GABBR2: variants seen among roughly 807,000 people sequenced by gnomAD.
GABBR2 encodes the protein G-protein coupled receptor 51.
In GABBR2, 23 loss-of-function variants were observed where a neutral mutation model predicts 105.6. The ratio of observed to expected loss-of-function variants is 0.22; its 90% CI spans 0.16 to 0.31. The LOEUF is 0.31. GABBR2 is among the 10% of genes least tolerant of loss of function. The probability of loss-of-function intolerance (pLI) is 1.00; values close to 1 mark genes in which losing one functional copy is unlikely to be tolerated. For missense variants in GABBR2, 734 were observed against 1,245.5 expected, an observed-to-expected ratio of 0.59 and a Z score of 6.18; for synonymous variants, 478 against 499.7, an observed-to-expected ratio of 0.96 and a Z score of 0.58.
At chr9:98,337,494 T>A (rs1378261386) in intron 13 of GABBR2, among the ~76,000 whole-genome samples, 1 of 152,016 alleles carries the variant, frequency 6.6e-6, no homozygotes, top group East Asian at 1.9e-4. Context: ...ATCGTATAAA[T>A]CATATGGAAT....
intron 13 of GABBR2, among the ~76,000 whole-genome samples, chr9:98,345,710 A>T (rs1831292140): frequency 6.6e-6 from 1 of 152,248 alleles, no homozygotes; most frequent in Non-Finnish European, 1.5e-5. Context: ...AGTCCCAAAG[A>T]ATCAACACAA....
chr9:98,503,883 A>G (rs1004065122), intron 3 of GABBR2, among the ~76,000 whole-genome samples: 7 of 152,142 alleles, frequency 4.6e-5, no homozygotes, highest in Non-Finnish European at 8.8e-5. Context: ...TCCTAAACCA[A>G]TCAGAACCTC....
chr9:98,690,534 G>T (rs1830670671), intron 1 of GABBR2, among the ~76,000 whole-genome samples: 1 of 152,098 alleles, frequency 6.6e-6, no homozygotes, highest in African/African-American at 2.4e-5. Flanking sequence ...GCCCTTCTCT[G>T]CCCAAAGAAG....
intron 2 of GABBR2, among the ~76,000 whole-genome samples, chr9:98,562,471 T>C (rs1361027738): frequency 6.6e-6 from 1 of 152,186 alleles, no homozygotes; most frequent in Non-Finnish European, 1.5e-5. Flanking sequence ...ATATTAGGGT[T>C]ATGTAAGAGG....
intron 8 of GABBR2, among the ~76,000 whole-genome samples, chr9:98,396,622 C>T (rs1291033786): frequency 1.3e-5 from 2 of 152,204 alleles, no homozygotes; most frequent in African/African-American, 2.4e-5. Flanking sequence ...CTCCAGCATC[C>T]CTGCTTTGGC....
intron 5 of GABBR2, among the ~76,000 whole-genome samples, chr9:98,479,124 C>T (rs1421703356): frequency 6.6e-6 from 1 of 152,076 alleles, no homozygotes; most frequent in Non-Finnish European, 1.5e-5. Flanking sequence ...GGTCCTCCTT[C>T]GATTTCAATG....
intron 7 of GABBR2, among the ~76,000 whole-genome samples, chr9:98,440,382 C>T (rs1276332228): frequency 6.6e-6 from 1 of 152,168 alleles, no homozygotes; most frequent in African/African-American, 2.4e-5. Flanking sequence ...TCAAGTTTAC[C>T]TGGCTAGCAA....
At chr9:98,448,573 T>C (rs1292836408) in intron 7 of GABBR2, among the ~76,000 whole-genome samples, 2 of 152,068 alleles carry the variant, frequency 1.3e-5, no homozygotes, top group African/African-American at 4.8e-5. Flanking sequence ...CCTGCCACCA[T>C]GCCCGGCTAA....
chr9:98,366,165 C>T (rs1385156548), intron 12 of GABBR2, among the ~76,000 whole-genome samples: 1 of 152,192 alleles, frequency 6.6e-6, no homozygotes, highest in Non-Finnish European at 1.5e-5. Context: ...AATATTTGCA[C>T]ATCCCACACT....
chr9:98,374,099 T>C (rs145856239), intron 11 of GABBR2, among the ~76,000 whole-genome samples: 8 of 152,232 alleles, frequency 5.3e-5, no homozygotes, highest in African/African-American at 1.9e-4. Context: ...ACTCAAGTGA[T>C]CCTCCTGCCT....
intron 1 of GABBR2, among the ~76,000 whole-genome samples, chr9:98,636,409 C>G (rs2131832533): frequency 6.6e-6 from 1 of 151,886 alleles, no homozygotes; most frequent in African/African-American, 2.4e-5. Flanking sequence ...GAATCATGCC[C>G]TTGGAGACAG....
chr9:98,485,597 A>G (rs1185315416), intron 4 of GABBR2, among the ~76,000 whole-genome samples: 1 of 152,108 alleles, frequency 6.6e-6, no homozygotes, highest in Non-Finnish European at 1.5e-5. Flanking sequence ...ATGTACCCCC[A>G]GTTTGCAAGC....
intron 2 of GABBR2, among the ~76,000 whole-genome samples, chr9:98,567,755 C>G (rs1327677236): frequency 4.6e-5 from 7 of 152,172 alleles, no homozygotes; most frequent in African/African-American, 1.4e-4. Context: ...GAGGGGGCTG[C>G]TAATTCGCCT....
intron 3 of GABBR2, among the ~76,000 whole-genome samples, chr9:98,503,492 A>C (rs1264367123): frequency 6.6e-6 from 1 of 152,136 alleles, no homozygotes; most frequent in Non-Finnish European, 1.5e-5. Flanking sequence ...GGGCAGGGAC[A>C]TGAGGGGAAG....
At chr9:98,483,636 A>G (rs958492395) in intron 4 of GABBR2, among the ~76,000 whole-genome samples, 1 of 152,124 alleles carries the variant, frequency 6.6e-6, no homozygotes, top group East Asian at 1.9e-4. Context: ...TCATTTATTC[A>G]TATTCCCACT....
chr9:98,323,726 G>T (rs141668161), intron 13 of GABBR2, among the ~76,000 whole-genome samples: 1 of 152,322 alleles, frequency 6.6e-6, no homozygotes, highest in East Asian at 1.9e-4. Flanking sequence ...TGGCATGGCC[G>T]TGCAGAGGCT....
chr9:98,470,516 G>T (rs1026018971), intron 6 of GABBR2, among the ~76,000 whole-genome samples: 1 of 152,082 alleles, frequency 6.6e-6, no homozygotes, highest in Non-Finnish European at 1.5e-5. Flanking sequence ...TCTCCCACCG[G>T]GTCCCTCCCA....
At chr9:98,616,450 C>T (rs1308374416) in intron 1 of GABBR2, among the ~76,000 whole-genome samples, 7 of 152,136 alleles carry the variant, frequency 4.6e-5, no homozygotes, top group South Asian at 2.1e-4. Context: ...CCAGACAAAC[C>T]GAATGAGCCT....
intron 3 of GABBR2, among the ~76,000 whole-genome samples, chr9:98,513,831 T>G (rs982423574): frequency 6.6e-6 from 1 of 152,130 alleles, no homozygotes; most frequent in African/African-American, 2.4e-5. Flanking sequence ...AGTTCAACCA[T>G]TGTGGAAGTC....
Sources: allele counts gnomAD v4.1 joint callset (sites outside exome capture counted in the v4.1 genomes callset), GRCh38; gene constraint gnomAD v4.1.1; transcripts MANE v1.5; gene names NCBI Gene and HGNC (gene_info 2026-07-23, HGNC 2026-07-21).